Variants in KLF15 observed in about 807,000 individuals in gnomAD.
The protein encoded by KLF15 is KLF transcription factor 15, also known as Krueppel-like factor 15.
A neutral mutation model predicts 24.6 loss-of-function variants in KLF15; 4 were observed. The observed-to-expected ratio is 0.16, with a 90% CI of 0.08 to 0.37. KLF15 has a LOEUF of 0.37. Among genes scored for constraint, KLF15 ranks in the 10% least tolerant of loss-of-function variants. The pLI, the probability that KLF15 is intolerant of heterozygous loss-of-function variation, is 1.00. For synonymous variants in KLF15, 246 were observed against 236.3 expected, an observed-to-expected ratio of 1.04 and a Z score of -0.37; for missense variants, 496 against 560.6, an observed-to-expected ratio of 0.88 and a Z score of 1.16.
chr3:126,354,706 C>A (rs1340750223), intron 1 of KLF15, among the ~76,000 whole-genome samples: 1 of 152,236 alleles, frequency 6.6e-6, no homozygotes, highest in Non-Finnish European at 1.5e-5. Flanking sequence ...AAATCAGGTG[C>A]TGGGAAGGAA....
At chr3:126,300,760 G>A in the KLF15 span, among the ~76,000 whole-genome samples, 3 of 152,216 alleles carry the variant, frequency 2.0e-5, no homozygotes, top group African/African-American at 7.2e-5. Flanking sequence ...GCTGACCGGG[G>A]CAGGATCAAT....
chr3:126,354,969 C>G (rs569838760), intron 1 of KLF15, among the ~76,000 whole-genome samples: 5 of 152,228 alleles, frequency 3.3e-5, no homozygotes, highest in South Asian at 2.1e-4. Context: ...CTAAGCACCC[C>G]CCTCAGGATC....
the KLF15 span, among the ~76,000 whole-genome samples, chr3:126,291,567 T>C: frequency 3.9e-5 from 6 of 152,392 alleles, no homozygotes; most frequent in South Asian, 4.1e-4. Flanking sequence ...CGAGTGTTCC[T>C]AAACCACAGC....
downstream of KLF15, among the ~76,000 whole-genome samples, chr3:126,340,978 G>A (rs956141424): frequency 1.3e-5 from 2 of 152,190 alleles, no homozygotes; most frequent in Admixed American, 6.5e-5. Flanking sequence ...GTGCCACCAC[G>A]CTGTTGCCCG....
chr3:126,343,999 A>G (rs1576582319), intron 2 of KLF15, 104 bp from the exon 3 acceptor site: 1 of 1,244,740 alleles, frequency 8.0e-7, no homozygotes, highest in South Asian at 1.6e-5. Flanking sequence ...GCACTCACCC[A>G]AAGGGTGGCT....
the KLF15 span, among the ~76,000 whole-genome samples, chr3:126,290,174 C>T: frequency 6.6e-6 from 1 of 152,034 alleles, no homozygotes; most frequent in Non-Finnish European, 1.5e-5. Flanking sequence ...AGTAGGGGTC[C>T]CAAGTTTTTA....
chr3:126,294,190 G>A, the KLF15 span, among the ~76,000 whole-genome samples: 1,069 of 152,266 alleles, frequency 7.0e-3, 11 homozygotes, highest in African/African-American at 0.025. Flanking sequence ...CCAGATCAGT[G>A]GGTGTGGGCT....
chr3:126,351,553 C>T (rs1354267901), intron 2 of KLF15, among the ~76,000 whole-genome samples: 2 of 152,138 alleles, frequency 1.3e-5, no homozygotes, highest in Non-Finnish European at 2.9e-5. Flanking sequence ...CCCCTCAATC[C>T]CCACCCTTGT....
the KLF15 span, among the ~76,000 whole-genome samples, chr3:126,315,705 G>T: frequency 0.017 from 2,589 of 152,284 alleles, 70 homozygotes; most frequent in African/African-American, 0.058. Context: ...TTGAGTGAGA[G>T]GCTGGGCCAG....
chr3:126,350,063 G>C (rs1455452079), intron 2 of KLF15, among the ~76,000 whole-genome samples: 1 of 152,194 alleles, frequency 6.6e-6, no homozygotes, highest in African/African-American at 2.4e-5. Context: ...TTTGGAGGGG[G>C]ACCACCCCAA....
chr3:126,342,423 C>T (rs551615322), downstream of KLF15, among the ~76,000 whole-genome samples: 4 of 152,226 alleles, frequency 2.6e-5, no homozygotes, highest in South Asian at 4.1e-4. Context: ...GTCAGGGAGC[C>T]GGGATGAGCA....
the KLF15 span, among the ~76,000 whole-genome samples, chr3:126,337,393 A>AGGAAGG: frequency 8.1e-6 from 1 of 122,846 alleles, no homozygotes; most frequent in Non-Finnish European, 1.6e-5. Context: ...ACATGGACAC[A>AGGAAGG]GGAAGGGGAA....
chr3:126,309,207 G>A, the KLF15 span, among the ~76,000 whole-genome samples: 1 of 152,230 alleles, frequency 6.6e-6, no homozygotes, highest in Non-Finnish European at 1.5e-5. Flanking sequence ...AAGGGACAGG[G>A]AAATGGGGTT....
the KLF15 span, among the ~76,000 whole-genome samples, chr3:126,332,305 G>A: frequency 6.8e-6 from 1 of 148,146 alleles, no homozygotes; most frequent in African/African-American, 2.5e-5. Flanking sequence ...CCCCCAGCAG[G>A]GGCACACTGA....
the KLF15 span, among the ~76,000 whole-genome samples, chr3:126,331,331 T>C: frequency 6.6e-6 from 1 of 152,334 alleles, no homozygotes; most frequent in Non-Finnish European, 1.5e-5. Flanking sequence ...CCAGGAAATG[T>C]GCACAGCCTT....
the KLF15 span, among the ~76,000 whole-genome samples, chr3:126,301,986 G>A: frequency 1.3e-5 from 2 of 151,712 alleles, no homozygotes; most frequent in Non-Finnish European, 2.9e-5. Flanking sequence ...ACATTGATTT[G>A]AGATCATTCC....
chr3:126,329,485 A>T, the KLF15 span, among the ~76,000 whole-genome samples: 8 of 152,178 alleles, frequency 5.3e-5, no homozygotes, highest in Non-Finnish European at 1.2e-4. Context: ...AACCTGTCTC[A>T]AATAGAATTA....
rs2082616920 is a variant in KLF15 at position 126,354,815 on chromosome 3, C to T, written c.-25-1868G>A. ...TTTCCCACCCTCCAAGCAGGGGCTCCATTTCTGAGTCTGCAAGTTGTCTGC... is the reference window on the plus strand; with the variant it reads ...TTTCCCACCCTCCAAGCAGGGGCTCTATTTCTGAGTCTGCAAGTTGTCTGC... On this transcript the variant is annotated intron_variant, in intron 1 of 2. Transcript: ENST00000296233. 6.6e-5 allele frequency among the ~76,000 whole-genome samples: 10 copies of T among 152,198 alleles called. No homozygotes were observed. In the South Asian group the frequency reaches 2.1e-3, roughly 31 times the overall value.
the KLF15 span, among the ~76,000 whole-genome samples, chr3:126,309,410 G>A: frequency 3.3e-5 from 5 of 152,236 alleles, no homozygotes; most frequent in African/African-American, 9.6e-5. Flanking sequence ...TCCCTGCTGC[G>A]GTGAGAGTCA....
Sources: gnomAD v4.1 joint callset for allele counts (sites outside exome capture counted in the v4.1 genomes callset) on GRCh38, gnomAD v4.1.1 for gene constraint, MANE v1.5 for transcripts, NCBI Gene and HGNC (gene_info 2026-07-23, HGNC 2026-07-21) for gene names.